The following SEMA3E variants were observed in gnomAD, a reference collection of about 807,000 sequenced individuals.
SEMA3E encodes the protein semaphorin 3E.
Under a neutral mutation model 93.6 loss-of-function variants are expected in SEMA3E, and 49 were observed. The ratio of observed to expected loss-of-function variants is 0.52; its 90% CI spans 0.42 to 0.66. The LOEUF (loss-of-function observed/expected upper bound fraction) is 0.66, where lower values mean the gene tolerates loss of function less well. Among genes scored for constraint, SEMA3E ranks in the 30% least tolerant of loss-of-function variants. SEMA3E has a pLI of 0.00. For synonymous variants in SEMA3E, 363 were observed against 330.7 expected, an observed-to-expected ratio of 1.10 and a Z score of -1.06; for missense variants, 906 against 964.8, an observed-to-expected ratio of 0.94 and a Z score of 0.81.
chr7:83,583,038 A>G (rs1792545697), intron 1 of SEMA3E, among the ~76,000 whole-genome samples: 1 of 152,116 alleles, frequency 6.6e-6, no homozygotes, highest in African/African-American at 2.4e-5. Context: ...AATTTGATAT[A>G]AAAATTCTGA....
chr7:83,628,612 T>C (rs1218653120), intron 1 of SEMA3E, among the ~76,000 whole-genome samples: 8 of 151,898 alleles, frequency 5.3e-5, no homozygotes, highest in Admixed American at 4.6e-4. Context: ...AAAGTTCTCA[T>C]GCTGTGTTTT....
At position 83,469,257 on chromosome 7, in the gene SEMA3E, T is replaced by G. The variant is rs201465097; in HGVS notation, c.322A>C (p.Lys108Gln). Residue 108 changes from lysine to glutamine, a missense_variant, in exon 3 of 17, where the codon AAG becomes CAG. By Grantham distance (53) the Lys-to-Gln change is moderately conservative (BLOSUM62 1). Transcript: ENST00000643230. Reference sequence around the variant, plus strand: ...ATCATACTTACCGCATCTTTTCCCTTCATTATGCATTCTTCCATTTTTAGA... The same window carrying G: ...ATCATACTTACCGCATCTTTTCCCTGCATTATGCATTCTTCCATTTTTAGA... Reference protein sequence around the residue: ...TALKMEECIMKGKDAGECANY... With the variant: ...TALKMEECIMQGKDAGECANY... The G allele has an allele frequency of 4.4e-5, 71 of 1,610,624 alleles. No individual in the cohort carries two copies. In the Admixed American group the frequency reaches 1.2e-3, roughly 26 times the overall value.
chr7:83,456,896 G>A (rs945431832), intron 4 of SEMA3E, among the ~76,000 whole-genome samples: 3 of 152,094 alleles, frequency 2.0e-5, no homozygotes, highest in African/African-American at 7.2e-5. Context: ...TTACAGGCAA[G>A]CGCCACTGTG....
At chr7:83,608,323 G>A (rs540810421) in intron 1 of SEMA3E, among the ~76,000 whole-genome samples, 1 of 152,034 alleles carries the variant, frequency 6.6e-6, no homozygotes, top group Non-Finnish European at 1.5e-5. Context: ...TTGTCCAGTT[G>A]TCTCTTTTGT....
chr7:83,479,953 TATAA>T (rs1790111395), intron 2 of SEMA3E, among the ~76,000 whole-genome samples: 1 of 152,142 alleles, frequency 6.6e-6, no homozygotes, highest in Non-Finnish European at 1.5e-5. Flanking sequence ...TTTTGGTAAA[TATAA>T]ATAAATATGA....
chr7:83,464,458 T>TGTTTACCCTGCCG (rs1562793971), intron 4 of SEMA3E, among the ~76,000 whole-genome samples: 14 of 100,332 alleles, frequency 1.4e-4, no homozygotes, highest in African/African-American at 4.1e-4. Flanking sequence ...GCCCTGCTCT[T>TGTTTACCCTGCCG]GTTTACACTG....
intron 9 of SEMA3E, among the ~76,000 whole-genome samples, chr7:83,404,416 A>T (rs950723821): frequency 2.0e-5 from 3 of 151,934 alleles, no homozygotes; most frequent in Admixed American, 6.6e-5. Flanking sequence ...GGCTTATATG[A>T]TGTAAAAGAG....
intron 1 of SEMA3E, among the ~76,000 whole-genome samples, chr7:83,625,240 G>C (rs747936665): frequency 2.0e-5 from 3 of 152,082 alleles, no homozygotes; most frequent in Non-Finnish European, 4.4e-5. Context: ...ATTTAAAATA[G>C]CTTTTTCTAA....
At position 83,484,120 on chromosome 7, in the gene SEMA3E, A is replaced by T. The variant is rs541654293; in HGVS notation, c.276+5994T>A. ...TTCCTTTACCTTCTTGCTCTGGTTA[A>T]AATCAGGCTGTCCCTTGAGAACACT... is the stretch of plus-strand genomic sequence containing the variant. On this transcript the variant is annotated intron_variant, in intron 2 of 16. Coordinates refer to ENST00000643230, the MANE Select transcript of SEMA3E (RefSeq NM_012431.3). Among the ~76,000 whole-genome samples, 396 of 152,292 alleles carry T rather than the reference A, an allele frequency of 2.6e-3. 2 individuals are homozygous for T. Among genetic ancestry groups the T allele is most frequent in the Non-Finnish European group, 3.8e-3 (261 of 68,016 alleles).
At chr7:83,578,565 G>T (rs1435564576) in intron 1 of SEMA3E, among the ~76,000 whole-genome samples, 1 of 151,896 alleles carries the variant, frequency 6.6e-6, no homozygotes, top group Non-Finnish European at 1.5e-5. Context: ...CAACAAAAAA[G>T]ATAGAATCCG....
intron 1 of SEMA3E, among the ~76,000 whole-genome samples, chr7:83,643,911 C>A (rs538771398): frequency 1.4e-3 from 206 of 151,982 alleles, no homozygotes; most frequent in African/African-American, 4.6e-3. Context: ...TTTATTAACA[C>A]CCAGAGATGT....
rs1176915333 is a variant in SEMA3E at position 83,413,338 on chromosome 7, CTGTTTA to C, written c.551-4857_551-4852del. ...GTTAAGTTTTACTCAAGCATTGCTT[CTGTTTA>C]TGTTATAAATGTATGTTATGCAAAT... On this transcript the variant is annotated intron_variant, in intron 5 of 16. Coordinates refer to ENST00000643230, the MANE Select transcript of SEMA3E (RefSeq NM_012431.3). Among the ~76,000 whole-genome samples, 21 of 152,242 alleles carry C rather than the reference CTGTTTA, an allele frequency of 1.4e-4. 1 individual carries two copies. Among genetic ancestry groups the C allele is most frequent in the Admixed American group, 1.1e-3 (17 of 15,276 alleles).
intron 1 of SEMA3E, among the ~76,000 whole-genome samples, chr7:83,497,469 C>CA (rs893342568): frequency 1.6e-4 from 24 of 151,462 alleles, no homozygotes; most frequent in African/African-American, 3.9e-4. Context: ...GTTAATTCAA[C>CA]AAAAAAAATT....
In SEMA3E at chr7:83,545,875, A is replaced by G. The variant is rs1050561229; in HGVS notation, c.116-55601T>C. Among the ~76,000 whole-genome samples, 6 of 137,764 alleles carry G rather than the reference A, an allele frequency of 4.4e-5. No individual in the cohort carries two copies. The East Asian group carries it at 1.2e-3, about 29-fold the overall frequency. 90.4% of individuals were successfully genotyped at this position (137,764 alleles called of 152,430 possible). A position where few individuals can be genotyped will look rare whatever the true frequency, so the allele number is the denominator to read the frequency against. Reference sequence around the variant, plus strand: ...GACGGATATCTATATAACATTATATATTATATATCATATATGATAAAAATA... The same window carrying G: ...GACGGATATCTATATAACATTATATGTTATATATCATATATGATAAAAATA... On this transcript the variant is annotated intron_variant, in intron 1 of 16. Coordinates refer to ENST00000643230, the MANE Select transcript of SEMA3E (RefSeq NM_012431.3).
intron 1 of SEMA3E, among the ~76,000 whole-genome samples, chr7:83,500,532 A>G (rs1790577153): frequency 6.6e-6 from 1 of 151,852 alleles, no homozygotes; most frequent in African/African-American, 2.4e-5. Context: ...TTTCAGTAGT[A>G]CAATAGCCCA....
chr7:83,498,254 G>A (rs1790528531), intron 1 of SEMA3E, among the ~76,000 whole-genome samples: 2 of 152,078 alleles, frequency 1.3e-5, no homozygotes, highest in South Asian at 4.1e-4. Context: ...ATATACTCCA[G>A]CTTTAGACTG....
chr7:83,576,749 C>T (rs1021343013), intron 1 of SEMA3E, among the ~76,000 whole-genome samples: 15 of 152,080 alleles, frequency 9.9e-5, no homozygotes, highest in Non-Finnish European at 1.9e-4. Context: ...CCTCAGCCTC[C>T]CGAGTAGCTG....
In SEMA3E at chr7:83,392,668, G is replaced by A. The variant is rs1788041761; in HGVS notation, c.1554C>T (p.His518=). 1 of 1,613,804 alleles carries A rather than the reference G, an allele frequency of 6.2e-7. No homozygotes were observed. Among genetic ancestry groups the A allele is most frequent in the Non-Finnish European group, 8.5e-7 (1 of 1,179,826 alleles). Residue 518 remains histidine, a synonymous_variant, in exon 14 of 17, where the codon CAC becomes CAT. Coordinates refer to ENST00000643230, the MANE Select transcript of SEMA3E (RefSeq NM_012431.3). ...ASAVAQVRFH[H]CDMYGSACAD... Reference sequence around the variant, plus strand: ...CACAAGCACTTCCATACATGTCACAGTGATGGAATCTGACTTGAGCCACAG... The same window carrying A: ...CACAAGCACTTCCATACATGTCACAATGATGGAATCTGACTTGAGCCACAG...
At chr7:83,453,769 T>G (rs760527729) in intron 4 of SEMA3E, among the ~76,000 whole-genome samples, 10 of 152,136 alleles carry the variant, frequency 6.6e-5, no homozygotes, top group Non-Finnish European at 1.3e-4. Context: ...TAAAAGTATC[T>G]TGGTACAAAT....
Sources: gnomAD v4.1 joint callset for allele counts (sites outside exome capture counted in the v4.1 genomes callset) on GRCh38, gnomAD v4.1.1 for gene constraint, MANE v1.5 for transcripts, NCBI Gene and HGNC (gene_info 2026-07-23, HGNC 2026-07-21) for gene names.